The following SORCS2 variants were observed in gnomAD, a reference collection of about 807,000 sequenced individuals.
SORCS2 encodes sortilin related VPS10 domain containing receptor 2, also known as VPS10 domain-containing receptor SorCS2.
In SORCS2, 100 loss-of-function variants were observed where a neutral mutation model predicts 141.6. That is an observed-to-expected ratio of 0.71 (90% CI 0.60 to 0.83). The LOEUF (loss-of-function observed/expected upper bound fraction) is 0.83, where lower values mean the gene tolerates loss of function less well. Among genes scored for constraint, SORCS2 ranks in the 40% least tolerant of loss-of-function variants. The pLI, the probability that SORCS2 is intolerant of heterozygous loss-of-function variation, is 0.00. For synonymous variants in SORCS2, 789 were observed against 676.9 expected (o/e 1.17, Z -2.57); for missense variants, 1,646 against 1,560.2 (o/e 1.05, Z -0.93).
chr4:7,646,709 C>T (rs376473334), intron 4 of SORCS2, among the ~76,000 whole-genome samples: 3 of 152,140 alleles, frequency 2.0e-5, no homozygotes, highest in East Asian at 1.9e-4. Flanking sequence ...GTTTGCAAGC[C>T]GAGGAGGGAG....
At chr4:7,695,688 G>A (rs371136120) in intron 11 of SORCS2, among the ~76,000 whole-genome samples, 3 of 4,080 alleles carry the variant, frequency 7.4e-4, no homozygotes, top group Non-Finnish European at 1.5e-3. Context: ...GGATGGATGG[G>A]TGGATTGGTG....
rs567977093 is a variant in SORCS2, at chr4:7,729,218, C to T, written c.2983-369C>T. Among the ~76,000 whole-genome samples, 28 of 152,104 alleles carry T rather than the reference C, an allele frequency of 1.8e-4. 1 individual carries two copies. Among genetic ancestry groups the T allele is most frequent in the Non-Finnish European group, 3.5e-4 (24 of 68,010 alleles). On this transcript the variant is annotated intron_variant, in intron 22 of 26. Coordinates refer to ENST00000507866, the MANE Select transcript of SORCS2 (RefSeq NM_020777.3). ...GGAGGCAGCTGGAGTCAGTGGGGCC[C>T]GGTCACAGACCTGGAATGGTGTGGT...
intron 8 of SORCS2, among the ~76,000 whole-genome samples, 187 bp from the exon 9 acceptor site, chr4:7,675,863 G>C (rs989050424): frequency 1.8e-4 from 27 of 152,160 alleles, no homozygotes; most frequent in Non-Finnish European, 3.4e-4. Flanking sequence ...GAGGCCCAAG[G>C]AGGTGAGGAG....
intron 2 of SORCS2, among the ~76,000 whole-genome samples, chr4:7,426,772 A>G (rs1419909822): frequency 6.6e-6 from 1 of 152,138 alleles, no homozygotes; most frequent in African/African-American, 2.4e-5. Flanking sequence ...TGGCTTGCCC[A>G]GGGTCACACA....
At chr4:7,434,163 C>T (rs984927961) in intron 2 of SORCS2, 21 of 1,613,896 alleles carry the variant, frequency 1.3e-5, no homozygotes, top group Non-Finnish European at 1.7e-5. Context: ...GGAGAAGCCT[C>T]AGTGCTTGGT....
chr4:7,458,060 G>A (rs557911812), intron 2 of SORCS2, among the ~76,000 whole-genome samples: 31 of 152,322 alleles, frequency 2.0e-4, no homozygotes, highest in African/African-American at 7.2e-4. Flanking sequence ...TGGTTGAGTG[G>A]GTGCCCAACT....
chr4:7,579,940 G>A (rs1479509253), intron 3 of SORCS2, among the ~76,000 whole-genome samples: 1 of 152,192 alleles, frequency 6.6e-6, no homozygotes, highest in African/African-American at 2.4e-5. Flanking sequence ...TTCATGCAGA[G>A]TGGAGTGAGT....
Position 7,467,098 on chromosome 4 carries a change from C to T in SORCS2, c.549-64432C>T, listed in dbSNP as rs201959951. Among the ~76,000 whole-genome samples, 12 of 152,132 alleles carry T rather than the reference C, an allele frequency of 7.9e-5. No individual in the cohort carries two copies. In the East Asian group the frequency reaches 1.5e-3, roughly 20 times the overall value. On this transcript the variant is annotated intron_variant, in intron 2 of 26. Coordinates refer to ENST00000507866, the MANE Select transcript of SORCS2 (RefSeq NM_020777.3). ...GTCTCAGCATCTAAAACTCCCACCA[C>T]GGTCCAGCCTGGCGTCCCCCCAGGC...
intron 2 of SORCS2, among the ~76,000 whole-genome samples, chr4:7,487,655 C>A (rs1426347531): frequency 1.3e-5 from 2 of 152,258 alleles, no homozygotes; most frequent in Admixed American, 1.3e-4. Context: ...TTCCCCTAGA[C>A]TCACGTAGCG....
At chr4:7,665,044 T>C (rs901324853) in intron 7 of SORCS2, among the ~76,000 whole-genome samples, 1 of 152,224 alleles carries the variant, frequency 6.6e-6, no homozygotes, top group Non-Finnish European at 1.5e-5. Context: ...CTGTTTCTTC[T>C]GGCCCTGAGA....
At chr4:7,456,663 C>A (rs1055941407) in intron 2 of SORCS2, among the ~76,000 whole-genome samples, 3 of 152,208 alleles carry the variant, frequency 2.0e-5, no homozygotes, top group African/African-American at 7.2e-5. Flanking sequence ...CTGTCAAGAG[C>A]AAACCCTTGG....
chr4:7,500,022 AC>A (rs566347468), intron 2 of SORCS2, among the ~76,000 whole-genome samples: 658 of 152,202 alleles, frequency 4.3e-3, no homozygotes, highest in Non-Finnish European at 7.2e-3. Flanking sequence ...TCTGCTGTGC[AC>A]CCAGCACCGT....
chr4:7,454,642 G>T (rs532084402), intron 2 of SORCS2, among the ~76,000 whole-genome samples: 2 of 122,008 alleles, frequency 1.6e-5, no homozygotes, highest in South Asian at 6.9e-4. Flanking sequence ...GTGTGTTGGG[G>T]TCAGGCACTG....
chr4:7,534,478 G>A (rs181152985), intron 3 of SORCS2, among the ~76,000 whole-genome samples: 9 of 152,232 alleles, frequency 5.9e-5, no homozygotes, highest in African/African-American at 1.9e-4. Flanking sequence ...TCCCAGTCCC[G>A]ACCCCTGGAA....
At position 7,460,511 on chromosome 4, in the gene SORCS2, G is replaced by T. The variant is rs188010594; in HGVS notation, c.548+64156G>T. ...CACAGCTTTCCCAAGCCCACCTTGC[G>T]CCATTGTGTCTAGAGCCGCTCCAAG... On this transcript the variant is annotated intron_variant, in intron 2 of 26. Transcript: ENST00000507866. Among the ~76,000 whole-genome samples, 657 of 152,322 alleles carry T rather than the reference G, an allele frequency of 4.3e-3. 1 individual carries two copies. Among genetic ancestry groups the T allele is most frequent in the African/African-American group, 0.015 (623 of 41,572 alleles).
intron 3 of SORCS2, among the ~76,000 whole-genome samples, chr4:7,603,032 G>A (rs950258712): frequency 3.9e-5 from 6 of 152,322 alleles, no homozygotes; most frequent in East Asian, 1.9e-4. Flanking sequence ...GGTGGTGTGC[G>A]CCTGCAATCG....
At chr4:7,518,428 C>T (rs1342398524) in intron 2 of SORCS2, among the ~76,000 whole-genome samples, 1 of 152,188 alleles carries the variant, frequency 6.6e-6, no homozygotes, top group Non-Finnish European at 1.5e-5. Flanking sequence ...GGCAAGTCCT[C>T]TCCACAGAAG....
intron 3 of SORCS2, among the ~76,000 whole-genome samples, chr4:7,591,324 A>T (rs1390383082): frequency 1.3e-5 from 2 of 152,104 alleles, no homozygotes; most frequent in Non-Finnish European, 2.9e-5. Flanking sequence ...AGAACCTACA[A>T]GCTGTCCTGC....
rs144105899 is a variant in SORCS2 at position 7,216,346 on chromosome 4, G to A, written c.480+23220G>A. 7.6e-3 allele frequency among the ~76,000 whole-genome samples: 1,163 copies of A among 152,288 alleles called. 19 individuals are homozygous for A. Among genetic ancestry groups the A allele is most frequent in the African/African-American group, 0.027 (1,132 of 41,552 alleles). On this transcript the variant is annotated intron_variant, in intron 1 of 26. Coordinates refer to ENST00000507866, the MANE Select transcript of SORCS2 (RefSeq NM_020777.3). ...CCACCTGGGGTCTTCAGTGGTAGAC[G>A]TAGGGGTCCATGGCCACAGACAATT...
Sources: gnomAD v4.1 joint callset for allele counts (sites outside exome capture counted in the v4.1 genomes callset) on GRCh38, gnomAD v4.1.1 for gene constraint, MANE v1.5 for transcripts, NCBI Gene and HGNC (gene_info 2026-07-23, HGNC 2026-07-21) for gene names.